LDLRAD3: variants seen among roughly 807,000 people sequenced by gnomAD.
LDLRAD3 encodes low-density lipoprotein receptor class A domain-containing protein 3.
LDLRAD3 carries 20 observed loss-of-function variants against 29.4 expected under a neutral mutation model. That is an observed-to-expected ratio of 0.68 (90% confidence interval 0.48 to 0.99). LDLRAD3 has a LOEUF of 0.99. Ranked by LOEUF, LDLRAD3 falls within the 50% of genes least tolerant of loss-of-function variation. The probability of loss-of-function intolerance (pLI) is 0.00; values close to 1 mark genes in which losing one functional copy is unlikely to be tolerated. For synonymous variants in LDLRAD3, 157 were observed against 192.7 expected (o/e 0.81, Z 1.53); for missense variants, 420 against 454.3 (o/e 0.92, Z 0.69).
At chr11:36,112,103 G>T (rs1343469310) in intron 4 of LDLRAD3, among the ~76,000 whole-genome samples, 1 of 150,502 alleles carries the variant, frequency 6.6e-6, no homozygotes, top group African/African-American at 2.5e-5. Flanking sequence ...AATAGAGAGA[G>T]AATAAGTTTG....
At chr11:36,034,143 C>CT (rs976732488) in intron 1 of LDLRAD3, among the ~76,000 whole-genome samples, 4 of 152,118 alleles carry the variant, frequency 2.6e-5, no homozygotes, top group African/African-American at 9.7e-5. Context: ...TTCTCGGAAT[C>CT]TTTTTTGATT....
chr11:36,077,685 T>C (rs1373346012), intron 2 of LDLRAD3, among the ~76,000 whole-genome samples: 1 of 152,214 alleles, frequency 6.6e-6, no homozygotes, highest in Non-Finnish European at 1.5e-5. Flanking sequence ...GAATGCAGTG[T>C]GGTGCCCAGA....
intron 3 of LDLRAD3, among the ~76,000 whole-genome samples, chr11:36,084,565 G>A (rs573747146): frequency 2.0e-4 from 31 of 152,202 alleles, no homozygotes; most frequent in African/African-American, 2.9e-4. Context: ...TTATCCCCTC[G>A]TTCCTATGTG....
intron 1 of LDLRAD3, chr11:35,967,742 A>T (rs1265561166): frequency 8.4e-6 from 4 of 475,760 alleles, no homozygotes; most frequent in African/African-American, 6.0e-5. Flanking sequence ...GGAAATCTGT[A>T]GAAGGATGTC....
At chr11:35,977,928 A>G (rs888294465) in intron 1 of LDLRAD3, among the ~76,000 whole-genome samples, 4 of 152,224 alleles carry the variant, frequency 2.6e-5, no homozygotes, top group African/African-American at 2.4e-5. Flanking sequence ...TTGGAGGTAC[A>G]CAGACGCTCA....
At chr11:36,023,675 G>A (rs1055735400) in intron 1 of LDLRAD3, among the ~76,000 whole-genome samples, 1 of 152,138 alleles carries the variant, frequency 6.6e-6, no homozygotes, top group Non-Finnish European at 1.5e-5. Context: ...CTATGGGGAC[G>A]ATTACGAGTC....
At chr11:36,192,737 G>A (rs559183003) in intron 4 of LDLRAD3, among the ~76,000 whole-genome samples, 2 of 152,260 alleles carry the variant, frequency 1.3e-5, no homozygotes, top group South Asian at 2.1e-4. Context: ...ATGTGTTACC[G>A]GAGTTGTCTC....
chr11:36,053,106 C>T (rs189676257), intron 2 of LDLRAD3, among the ~76,000 whole-genome samples: 3 of 151,564 alleles, frequency 2.0e-5, no homozygotes, highest in South Asian at 2.1e-4. Context: ...TTGTCCTTGC[C>T]GAAAACAAAG....
intron 4 of LDLRAD3, among the ~76,000 whole-genome samples, chr11:36,106,750 C>A (rs946946533): frequency 2.0e-5 from 3 of 152,226 alleles, no homozygotes; most frequent in African/African-American, 4.8e-5. Context: ...TACCCCAAAC[C>A]CACCACCACC....
intron 3 of LDLRAD3, among the ~76,000 whole-genome samples, chr11:36,092,607 T>C (rs16928390): frequency 0.22 from 33,824 of 152,120 alleles, 3,976 homozygotes; most frequent in Admixed American, 0.3. Flanking sequence ...TTTGGAATTC[T>C]TGAGGTTGCT....
intron 4 of LDLRAD3, among the ~76,000 whole-genome samples, chr11:36,107,850 A>AT (rs1853550998): frequency 6.6e-6 from 1 of 152,206 alleles, no homozygotes; most frequent in Non-Finnish European, 1.5e-5. Context: ...GCATGACTGT[A>AT]TTTTTGATTG....
chr11:36,129,602 T>C (rs1853895277), intron 4 of LDLRAD3, among the ~76,000 whole-genome samples: 1 of 152,194 alleles, frequency 6.6e-6, no homozygotes, highest in South Asian at 2.1e-4. Context: ...CAGGCATGAC[T>C]TAGGTTGTTG....
chr11:36,129,511 G>A (rs908346559), intron 4 of LDLRAD3, among the ~76,000 whole-genome samples: 19 of 152,266 alleles, frequency 1.2e-4, no homozygotes, highest in African/African-American at 4.3e-4. Flanking sequence ...TATCAAATCC[G>A]ACCTTGCTGG....
intron 4 of LDLRAD3, among the ~76,000 whole-genome samples, chr11:36,099,224 G>C (rs1420441286): frequency 6.6e-6 from 1 of 152,134 alleles, no homozygotes; most frequent in Non-Finnish European, 1.5e-5. Context: ...GCTTTGTTAG[G>C]GAGTCTGAGG....
At chr11:35,993,792 C>G (rs921552694) in intron 1 of LDLRAD3, among the ~76,000 whole-genome samples, 1 of 151,962 alleles carries the variant, frequency 6.6e-6, no homozygotes, top group East Asian at 1.9e-4. Context: ...CTGATTCAGA[C>G]GTGTGGCCCC....
chr11:36,123,929 A>T (rs944113011), intron 4 of LDLRAD3, among the ~76,000 whole-genome samples: 3 of 152,254 alleles, frequency 2.0e-5, no homozygotes, highest in Non-Finnish European at 4.4e-5. Context: ...TTAACTCAAA[A>T]TTACCGTAAG....
At chr11:36,030,193 A>G (rs1852218428) in intron 1 of LDLRAD3, among the ~76,000 whole-genome samples, 1 of 152,222 alleles carries the variant, frequency 6.6e-6, no homozygotes, top group Non-Finnish European at 1.5e-5. Context: ...CCAAACTCAG[A>G]CAGCCTTGTG....
At chr11:36,180,941 G>A (rs1039941772) in intron 4 of LDLRAD3, among the ~76,000 whole-genome samples, 2 of 152,094 alleles carry the variant, frequency 1.3e-5, no homozygotes, top group African/African-American at 4.8e-5. Flanking sequence ...ATGGAAGGAC[G>A]GAGCTACCAG....
rs1299035418 is a variant in LDLRAD3 at position 36,191,552 on chromosome 11, C to G, written c.455-35533C>G. ...AGCAAGACCCTGTCTCTCTCTCTCT[C>G]TCTCTCTCTCTCTCTCTCTCTCTCT... On this transcript the variant is annotated intron_variant, in intron 4 of 5. Transcript: ENST00000315571. Among the ~76,000 whole-genome samples the G allele has an allele frequency of 2.8e-3, 176 of 62,394 alleles. 2 individuals are homozygous for G. The highest frequency in any genetic ancestry group is 0.013 in the African/African-American group (169 of 13,520). 40.9% of individuals were successfully genotyped at this position (62,394 alleles called of 152,430 possible).
Sources: allele counts gnomAD v4.1 joint callset (sites outside exome capture counted in the v4.1 genomes callset), GRCh38; gene constraint gnomAD v4.1.1; transcripts MANE v1.5; gene names NCBI Gene and HGNC (gene_info 2026-07-23, HGNC 2026-07-21).